ADAM2: variants seen among roughly 807,000 people sequenced by gnomAD.
ADAM2 encodes ADAM metallopeptidase domain 2.
A neutral mutation model predicts 99.3 loss-of-function variants in ADAM2; 101 were observed. The ratio of observed to expected loss-of-function variants is 1.02; its 90% CI spans 0.87 to 1.20. The LOEUF (loss-of-function observed/expected upper bound fraction) is 1.20, where lower values mean the gene tolerates loss of function less well. Ranked by LOEUF, ADAM2 falls within the 50% of genes most tolerant of loss-of-function variation. ADAM2 has a pLI of 0.00. For missense variants in ADAM2, 948 were observed against 878.7 expected, an observed-to-expected ratio of 1.08 and a Z score of -1.00; for synonymous variants, 323 against 287.6, an observed-to-expected ratio of 1.12 and a Z score of -1.25.
chr8:39,755,256 T>A (rs1294490468), intron 16 of ADAM2, among the ~76,000 whole-genome samples: 1 of 152,236 alleles, frequency 6.6e-6, no homozygotes, highest in Non-Finnish European at 1.5e-5. Flanking sequence ...AGCGAAATAG[T>A]CATAGCAATG....
At chr8:39,797,211 A>T (rs1803998741) in intron 7 of ADAM2, among the ~76,000 whole-genome samples, 1 of 152,016 alleles carries the variant, frequency 6.6e-6, no homozygotes, top group Non-Finnish European at 1.5e-5. Flanking sequence ...AATCCACCTT[A>T]AGTTAATTTT....
At chr8:39,809,370 G>A in intron 7 of ADAM2, 40 bp downstream of exon 7, 1 of 799,134 alleles carries the variant, frequency 1.3e-6, no homozygotes, top group Non-Finnish European at 2.1e-6. Context: ...ATCCCTCATT[G>A]CAAATATTAA....
intron 11 of ADAM2, among the ~76,000 whole-genome samples, chr8:39,776,341 T>C (rs1802986625): frequency 2.0e-5 from 3 of 152,076 alleles, no homozygotes; most frequent in South Asian, 2.1e-4. Flanking sequence ...AGTGCGGGAA[T>C]GGAGACAGTG....
chr8:39,749,828 T>C lies in ADAM2; in HGVS notation c.1798-84A>G. 3.0e-6 allele frequency: 3 copies of C among 988,420 alleles called. No individual in the cohort carries two copies. In the South Asian group the frequency reaches 4.3e-5, roughly 14 times the overall value. The allele number at this position is 988,420 out of a possible 1,614,324, so 61.2% of individuals were successfully genotyped here. A position where few individuals can be genotyped will look rare whatever the true frequency, so the allele number is the denominator to read the frequency against. On this transcript the variant is annotated intron_variant, in intron 16 of 20. Transcript: ENST00000265708. ...TAAAAGCATTCCATACCATACCATA[T>C]TACCATGGACTAATAAAAAGGGTAT...
chr8:39,803,510 T>C (rs1378896346), intron 7 of ADAM2, among the ~76,000 whole-genome samples: 1 of 152,186 alleles, frequency 6.6e-6, no homozygotes, highest in Non-Finnish European at 1.5e-5. Context: ...ACAATCCACT[T>C]TTTTTGAGCT....
At chr8:39,836,360 A>T (rs938661361) in intron 2 of ADAM2, among the ~76,000 whole-genome samples, 2 of 152,204 alleles carry the variant, frequency 1.3e-5, no homozygotes, top group Non-Finnish European at 2.9e-5. Flanking sequence ...ATATTGTTAA[A>T]AGCCTCACTG....
In ADAM2 at chr8:39,809,475, A is replaced by T. The variant is rs757663227; in HGVS notation, c.514-9T>A. On this transcript the variant is annotated splice_polypyrimidine_tract_variant and intron_variant, in intron 6 of 20. Transcript: ENST00000265708. ...GCAAAATCTTGCTGTGGCTGAAAAAATCCACAAATTTTACATCAAAATTAC... is the reference window on the plus strand; with the variant it reads ...GCAAAATCTTGCTGTGGCTGAAAAATTCCACAAATTTTACATCAAAATTAC... 2 of 1,370,018 alleles carry T rather than the reference A, an allele frequency of 1.5e-6. No homozygotes were observed. The highest frequency in any genetic ancestry group is 1.2e-5 in the South Asian group (1 of 80,314). 84.9% of individuals were successfully genotyped at this position (1,370,018 alleles called of 1,614,324 possible). A position where few individuals can be genotyped will look rare whatever the true frequency, so the allele number is the denominator to read the frequency against.
At chr8:39,808,943 A>G (rs1035389215) in intron 7 of ADAM2, among the ~76,000 whole-genome samples, 3 of 152,112 alleles carry the variant, frequency 2.0e-5, no homozygotes, top group African/African-American at 7.2e-5. Flanking sequence ...ATACATAAAG[A>G]AAAATAAACA....
intron 5 of ADAM2, 37 bp downstream of exon 5, chr8:39,821,549 A>T (rs1394245511): frequency 7.2e-7 from 1 of 1,397,302 alleles, no homozygotes; most frequent in South Asian, 1.2e-5. Flanking sequence ...TGAAGTAAAT[A>T]TTTTATTTTG....
At chr8:39,821,697 G>T in intron 4 of ADAM2, 35 bp from the exon 5 acceptor site, 1 of 1,411,856 alleles carries the variant, frequency 7.1e-7, no homozygotes, top group Non-Finnish European at 1.0e-6. Context: ...CCATTAGAAT[G>T]GTTTGTGTTA....
chr8:39,790,437 T>C (rs151091665), intron 7 of ADAM2, among the ~76,000 whole-genome samples: 1 of 152,094 alleles, frequency 6.6e-6, no homozygotes, highest in East Asian at 1.9e-4. Context: ...TTACATATTG[T>C]ATGATACCAT....
intron 11 of ADAM2, 123 bp downstream of exon 11, chr8:39,776,902 G>T: frequency 3.3e-6 from 2 of 600,870 alleles, no homozygotes; most frequent in Admixed American, 3.2e-5. Flanking sequence ...TACACATTTT[G>T]GTCCTGGAGT....
Position 39,831,154 on chromosome 8 carries a change from A to G in ADAM2, c.188+2790T>C, listed in dbSNP as rs1034658582. Among the ~76,000 whole-genome samples, 5 of 152,160 alleles carry G rather than the reference A, an allele frequency of 3.3e-5. No homozygotes were observed. The South Asian group carries it at 1.0e-3, about 32-fold the overall frequency. On this transcript the variant is annotated intron_variant, in intron 3 of 20. Transcript: ENST00000265708. ...ATTAATATTTTGTTACAGCAGCCCA[A>G]ACAGACTAAGACACCTGCTGTACAG...
intron 12 of ADAM2, among the ~76,000 whole-genome samples, chr8:39,768,529 G>C (rs1034412545): frequency 1.3e-5 from 2 of 151,990 alleles, no homozygotes; most frequent in African/African-American, 4.8e-5. Flanking sequence ...TCTTAATTAT[G>C]TATGTTACAA....
At chr8:39,824,726 C>A (rs1049003601) in intron 4 of ADAM2, 93 bp downstream of exon 4, 9 of 732,060 alleles carry the variant, frequency 1.2e-5, no homozygotes, top group South Asian at 1.1e-4. Context: ...AAGCCATGAC[C>A]CAACACTTTA....
At chr8:39,785,175 T>G (rs987472339) in intron 10 of ADAM2, among the ~76,000 whole-genome samples, 3 of 152,242 alleles carry the variant, frequency 2.0e-5, no homozygotes, top group Non-Finnish European at 4.4e-5. Context: ...GAACCCCTTA[T>G]AGTCTGAGGA....
intron 11 of ADAM2, among the ~76,000 whole-genome samples, chr8:39,775,355 C>G (rs1802945977): frequency 6.6e-6 from 1 of 152,064 alleles, no homozygotes. Flanking sequence ...ATACTTCTTC[C>G]CTACACTTTC....
chr8:39,796,291 GT>G (rs1803941118), intron 7 of ADAM2, among the ~76,000 whole-genome samples: 1 of 152,114 alleles, frequency 6.6e-6, no homozygotes, highest in Admixed American at 6.5e-5. Context: ...AACATGTGGT[GT>G]TTGGTTTTCT....
At chr8:39,747,781 A>C (rs1823533731) in intron 18 of ADAM2, among the ~76,000 whole-genome samples, 1 of 152,194 alleles carries the variant, frequency 6.6e-6, no homozygotes, top group African/African-American at 2.4e-5. Context: ...CAAAGGCAGC[A>C]GTGATGCCAA....
Sources: allele counts gnomAD v4.1 joint callset (sites outside exome capture counted in the v4.1 genomes callset), GRCh38; gene constraint gnomAD v4.1.1; transcripts MANE v1.5; gene names NCBI Gene and HGNC (gene_info 2026-07-23, HGNC 2026-07-21).